PDE8B: variants seen among roughly 807,000 people sequenced by gnomAD.
PDE8B encodes phosphodiesterase 8B, also known as high affinity cAMP-specific and IBMX-insensitive 3',5'-cyclic phosphodiesterase 8B.
In PDE8B, 26 loss-of-function variants were observed where a neutral mutation model predicts 101.3. The observed-to-expected ratio is 0.26, with a 90% CI of 0.19 to 0.36. PDE8B has a LOEUF of 0.36. Ranked by LOEUF, PDE8B falls within the 10% of genes least tolerant of loss-of-function variation. PDE8B has a pLI of 1.00. For missense variants in PDE8B, 810 were observed against 1,163.1 expected (o/e 0.70, Z 4.42); for synonymous variants, 424 against 429.3 (o/e 0.99, Z 0.15).
At chr5:77,298,280 A>G (rs1326705494) in intron 1 of PDE8B, among the ~76,000 whole-genome samples, 2 of 152,160 alleles carry the variant, frequency 1.3e-5, no homozygotes, top group African/African-American at 2.4e-5. Flanking sequence ...ATCTTCATAT[A>G]TCTTCCTCCT....
the PDE8B span, among the ~76,000 whole-genome samples, chr5:77,130,338 A>G: frequency 6.6e-6 from 1 of 152,154 alleles, no homozygotes; most frequent in South Asian, 2.1e-4. Flanking sequence ...GAAACATCCA[A>G]TAGTTAAACT....
chr5:77,420,588 G>C (rs1225501392), intron 19 of PDE8B, among the ~76,000 whole-genome samples: 2 of 152,042 alleles, frequency 1.3e-5, no homozygotes, highest in African/African-American at 4.8e-5. Flanking sequence ...TGAGTAACTT[G>C]CTCAGTAAGG....
the PDE8B span, among the ~76,000 whole-genome samples, chr5:77,197,867 T>A: frequency 7.0e-6 from 1 of 143,782 alleles, no homozygotes; most frequent in African/African-American, 2.7e-5. Flanking sequence ...ATTTTCCATT[T>A]CTCTTCTCAC....
chr5:77,192,251 G>A, the PDE8B span, among the ~76,000 whole-genome samples: 1 of 152,096 alleles, frequency 6.6e-6, no homozygotes, highest in African/African-American at 2.4e-5. Flanking sequence ...ATCTTGTAAT[G>A]TGTCCACATA....
chr5:77,402,826 T>C (rs1241756993), intron 11 of PDE8B, among the ~76,000 whole-genome samples: 1 of 152,234 alleles, frequency 6.6e-6, no homozygotes, highest in Admixed American at 6.5e-5. Flanking sequence ...AGCTGCTGAG[T>C]GGCACAGTAG....
At chr5:77,344,646 T>A in intron 6 of PDE8B, among the ~76,000 whole-genome samples, 1 of 152,186 alleles carries the variant, frequency 6.6e-6, no homozygotes, top group Non-Finnish European at 1.5e-5. Flanking sequence ...CTTAGCCACT[T>A]CCCAAAGGCC....
the PDE8B span, among the ~76,000 whole-genome samples, chr5:77,158,595 C>T: frequency 6.6e-6 from 1 of 152,140 alleles, no homozygotes; most frequent in East Asian, 1.9e-4. Flanking sequence ...GCTCTGAGTG[C>T]CTGTGGATGG....
intron 2 of PDE8B, 56 bp from the exon 3 acceptor site, chr5:77,325,483 T>C: frequency 1.3e-6 from 2 of 1,537,102 alleles, no homozygotes; most frequent in Non-Finnish European, 1.8e-6. Flanking sequence ...GGCTTGTTTT[T>C]AATAGTCTCT....
the PDE8B span, among the ~76,000 whole-genome samples, chr5:77,190,731 T>C: frequency 3.3e-5 from 5 of 152,244 alleles, no homozygotes; most frequent in African/African-American, 1.2e-4. Context: ...GCATATGAAC[T>C]GGTTGTGTGA....
At position 77,407,799 on chromosome 5, in the gene PDE8B, G is replaced by A. The variant is rs180908325; in HGVS notation, c.1365+342G>A. On this transcript the variant is annotated intron_variant, in intron 13 of 21. Transcript: ENST00000264917. ...GACTCCGGGTAGCAGGAACAGCCAG[G>A]GAAAAAGCATTGCAATGGGCGAAGA... Among the ~76,000 whole-genome samples, 286 of 152,270 alleles carry A rather than the reference G, an allele frequency of 1.9e-3. 3 individuals carry two copies. Among genetic ancestry groups the A allele is most frequent in the Non-Finnish European group, 1.5e-3 (104 of 68,024 alleles).
At chr5:77,361,829 G>C (rs1783161966) in intron 10 of PDE8B, among the ~76,000 whole-genome samples, 1 of 151,928 alleles carries the variant, frequency 6.6e-6, no homozygotes, top group South Asian at 2.1e-4. Flanking sequence ...CTTACTTTTT[G>C]ATGTAAGTGA....
intron 1 of PDE8B, among the ~76,000 whole-genome samples, chr5:77,311,301 G>A (rs1772550337): frequency 6.6e-6 from 1 of 152,196 alleles, no homozygotes; most frequent in South Asian, 2.1e-4. Flanking sequence ...CTTGCCAAAG[G>A]CAGCCAGATG....
the PDE8B span, among the ~76,000 whole-genome samples, chr5:77,143,436 C>T: frequency 3.5e-5 from 5 of 143,240 alleles, no homozygotes; most frequent in African/African-American, 1.2e-4. Flanking sequence ...ATCTTTGTAA[C>T]AATGAGCTAT....
intron 7 of PDE8B, among the ~76,000 whole-genome samples, chr5:77,347,615 AGTTGAAT>A (rs1455912302): frequency 6.6e-6 from 1 of 152,210 alleles, no homozygotes; most frequent in East Asian, 1.9e-4. Flanking sequence ...GCCCTTGAGG[AGTTGAAT>A]GTCCACTGGG....
At chr5:77,136,321 G>A in the PDE8B span, among the ~76,000 whole-genome samples, 2 of 151,986 alleles carry the variant, frequency 1.3e-5, no homozygotes, top group African/African-American at 4.8e-5. Flanking sequence ...TTTGACTTTT[G>A]TGTCTGTCTT....
the PDE8B span, among the ~76,000 whole-genome samples, chr5:77,155,243 G>A: frequency 2.0e-5 from 3 of 152,192 alleles, no homozygotes; most frequent in African/African-American, 7.2e-5. Context: ...GAAATAGAGG[G>A]AAATCTGATT....
the PDE8B span, chr5:77,115,280 C>A: frequency 7.7e-4 from 117 of 152,282 alleles, no homozygotes; most frequent in African/African-American, 2.6e-3. Context: ...TCTTCTTATT[C>A]TTTTTATCTT....
chr5:77,327,486 A>C (rs992437723), intron 3 of PDE8B, among the ~76,000 whole-genome samples: 6 of 152,198 alleles, frequency 3.9e-5, no homozygotes, highest in African/African-American at 1.2e-4. Flanking sequence ...CTTAGGATAT[A>C]GCCCAGCAGT....
chr5:77,151,808 T>A, the PDE8B span: 1 of 152,236 alleles, frequency 6.6e-6, no homozygotes, highest in Non-Finnish European at 1.5e-5. Flanking sequence ...TTTGGTATTA[T>A]CCATGCAGGG....
Sources: gnomAD v4.1 joint callset for allele counts (sites outside exome capture counted in the v4.1 genomes callset) on GRCh38, gnomAD v4.1.1 for gene constraint, MANE v1.5 for transcripts, NCBI Gene and HGNC (gene_info 2026-07-23, HGNC 2026-07-21) for gene names.